Variants in SPOCK1 observed in about 807,000 individuals in gnomAD.
SPOCK1 encodes SPARC (osteonectin), cwcv and kazal like domains proteoglycan 1, also known as testican-1.
In SPOCK1, 23 loss-of-function variants were observed where a neutral mutation model predicts 55.3. That is an observed-to-expected ratio of 0.42 (90% CI 0.30 to 0.59). SPOCK1 has a LOEUF of 0.59. SPOCK1 is among the 20% of genes least tolerant of loss of function. The probability of loss-of-function intolerance (pLI) is 0.22; values close to 1 mark genes in which losing one functional copy is unlikely to be tolerated. For synonymous variants in SPOCK1, 226 were observed against 221.0 expected (o/e 1.02, Z -0.20); for missense variants, 499 against 552.5 (o/e 0.90, Z 0.97).
At chr5:137,179,580 C>A (rs1179950656) in intron 3 of SPOCK1, among the ~76,000 whole-genome samples, 2 of 152,090 alleles carry the variant, frequency 1.3e-5, no homozygotes, top group South Asian at 4.2e-4. Flanking sequence ...ACCTTTTTGA[C>A]CAAAAATTCC....
chr5:137,112,846 AAAAAAG>A (rs1473252008), intron 4 of SPOCK1, among the ~76,000 whole-genome samples: 2 of 151,790 alleles, frequency 1.3e-5, no homozygotes, highest in East Asian at 3.9e-4. Context: ...CACACAGAAA[AAAAAAG>A]AAAAAAAACG....
intron 2 of SPOCK1, among the ~76,000 whole-genome samples, chr5:137,479,346 G>A (rs1170765662): frequency 1.3e-5 from 2 of 152,198 alleles, no homozygotes; most frequent in African/African-American, 2.4e-5. Context: ...TAGCTCAGCT[G>A]GAACCACTGC....
At chr5:137,242,552 G>T (rs1045711370) in intron 3 of SPOCK1, among the ~76,000 whole-genome samples, 5 of 152,036 alleles carry the variant, frequency 3.3e-5, no homozygotes, top group African/African-American at 9.7e-5. Flanking sequence ...TATGAAAATG[G>T]ACTAATACAC....
chr5:137,362,579 CAGCCTCCCAA>C (rs909172595), intron 2 of SPOCK1, among the ~76,000 whole-genome samples: 1 of 152,110 alleles, frequency 6.6e-6, no homozygotes, highest in African/African-American at 2.4e-5. Flanking sequence ...CCACCCACCT[CAGCCTCCCAA>C]AGCGCTGAGA....
chr5:137,478,262 A>G (rs1244569224), intron 2 of SPOCK1, among the ~76,000 whole-genome samples: 1 of 152,218 alleles, frequency 6.6e-6, no homozygotes, highest in Non-Finnish European at 1.5e-5. Context: ...AATAAATGCC[A>G]GCTGTTATTA....
At chr5:137,214,882 C>G (rs1433119559) in intron 3 of SPOCK1, among the ~76,000 whole-genome samples, 1 of 152,102 alleles carries the variant, frequency 6.6e-6, no homozygotes, top group East Asian at 1.9e-4. Flanking sequence ...TTTTTTAATT[C>G]ACAAGTCCTA....
chr5:137,078,200 C>A (rs1016863792), intron 5 of SPOCK1, among the ~76,000 whole-genome samples: 41 of 152,162 alleles, frequency 2.7e-4, no homozygotes, highest in African/African-American at 8.2e-4. Flanking sequence ...TCTCGCCCAG[C>A]CTGGATATGT....
intron 2 of SPOCK1, among the ~76,000 whole-genome samples, chr5:137,324,387 G>A (rs1221049409): frequency 6.6e-6 from 1 of 152,112 alleles, no homozygotes; most frequent in Non-Finnish European, 1.5e-5. Context: ...AGAGTTTGCA[G>A]TGAGCCAAGA....
At chr5:137,237,719 T>C (rs572415269) in intron 3 of SPOCK1, among the ~76,000 whole-genome samples, 1 of 152,338 alleles carries the variant, frequency 6.6e-6, no homozygotes, top group South Asian at 2.1e-4. Context: ...GGATGCAGTC[T>C]CTAAGGCACT....
intron 6 of SPOCK1, among the ~76,000 whole-genome samples, chr5:137,023,034 T>C (rs2126981021): frequency 1.3e-5 from 2 of 152,324 alleles, no homozygotes; most frequent in Admixed American, 1.3e-4. Context: ...GTGTAGTGGA[T>C]ACAGGCATAA....
chr5:137,480,688 ACCCACCCCATG>A, intron 2 of SPOCK1, among the ~76,000 whole-genome samples: 1 of 152,124 alleles, frequency 6.6e-6, no homozygotes, highest in Non-Finnish European at 1.5e-5. Context: ...ACTCCACGTC[ACCCACCCCATG>A]CCCTCTAAAG....
intron 3 of SPOCK1, among the ~76,000 whole-genome samples, chr5:137,245,251 C>A (rs1756372225): frequency 6.7e-6 from 1 of 149,550 alleles, no homozygotes; most frequent in African/African-American, 2.4e-5. Context: ...CTCCTTGATG[C>A]CAGTATTAAA....
intron 6 of SPOCK1, among the ~76,000 whole-genome samples, chr5:137,046,241 G>T (rs1752102232): frequency 8.9e-6 from 1 of 112,256 alleles, no homozygotes; most frequent in Non-Finnish European, 1.9e-5. Context: ...TGGGCAGTAT[G>T]GCCATTTTCA....
chr5:137,191,114 AG>A (rs1445183879), intron 3 of SPOCK1, among the ~76,000 whole-genome samples: 2 of 152,178 alleles, frequency 1.3e-5, no homozygotes, highest in Non-Finnish European at 2.9e-5. Context: ...GAAGCTACAG[AG>A]GGCCAGAAAC....
At position 137,473,909 on chromosome 5, in the gene SPOCK1, C is replaced by T. The variant is rs138132783; in HGVS notation, c.186+24464G>A. 3.8e-3 allele frequency among the ~76,000 whole-genome samples: 583 copies of T among 152,196 alleles called. 2 individuals are homozygous for T. The highest frequency in any genetic ancestry group is 0.01 in the Admixed American group (155 of 15,288). ...TATATACGATGGAATACTATGCAGC[C>T]ATAAAAAGGAATGAATTAACAGCAC... On this transcript the variant is annotated intron_variant, in intron 2 of 10. Coordinates refer to ENST00000394945, the MANE Select transcript of SPOCK1 (RefSeq NM_004598.4).
chr5:137,085,067 G>A (rs1752938699), intron 5 of SPOCK1, among the ~76,000 whole-genome samples: 2 of 151,324 alleles, frequency 1.3e-5, no homozygotes, highest in Admixed American at 1.3e-4. Flanking sequence ...CATGTATCTA[G>A]AAGACAACTA....
chr5:137,459,002 A>G (rs532862559), intron 2 of SPOCK1, among the ~76,000 whole-genome samples: 1 of 152,264 alleles, frequency 6.6e-6, no homozygotes, highest in African/African-American at 2.4e-5. Flanking sequence ...GTATCTTACC[A>G]TTTCCCAGTG....
intron 5 of SPOCK1, among the ~76,000 whole-genome samples, chr5:137,081,312 A>AT (rs1462930482): frequency 1.3e-5 from 2 of 152,238 alleles, no homozygotes; most frequent in Non-Finnish European, 2.9e-5. Context: ...CGGAGAAAGA[A>AT]TAACAGCAGA....
chr5:137,037,001 G>A (rs1751897961), intron 6 of SPOCK1, among the ~76,000 whole-genome samples: 1 of 152,090 alleles, frequency 6.6e-6, no homozygotes, highest in Non-Finnish European at 1.5e-5. Context: ...GCTAATGTAG[G>A]CAGTGCTAGA....
Sources: allele counts gnomAD v4.1 joint callset (sites outside exome capture counted in the v4.1 genomes callset), GRCh38; gene constraint gnomAD v4.1.1; transcripts MANE v1.5; gene names NCBI Gene and HGNC (gene_info 2026-07-23, HGNC 2026-07-21).